Variants in BBX observed in about 807,000 individuals in gnomAD.
BBX encodes BBX high mobility group box domain containing.
BBX carries 30 observed loss-of-function variants against 100.2 expected under a neutral mutation model. That is an observed-to-expected ratio of 0.30 (90% CI 0.22 to 0.41). BBX has a LOEUF of 0.41. Ranked by LOEUF, BBX falls within the 10% of genes least tolerant of loss-of-function variation. The pLI is 1.00. For missense variants in BBX, 1,023 were observed against 1,129.8 expected (o/e 0.91, Z 1.35); for synonymous variants, 376 against 388.1 (o/e 0.97, Z 0.37).
chr3:107,648,333 A>T (rs1386197689), intron 3 of BBX, among the ~76,000 whole-genome samples: 1 of 152,176 alleles, frequency 6.6e-6, no homozygotes, highest in Admixed American at 6.5e-5. Flanking sequence ...ATAGACTTAC[A>T]TTATTCTTTT....
intron 2 of BBX, among the ~76,000 whole-genome samples, chr3:107,529,918 T>G (rs543998497): frequency 6.6e-6 from 1 of 152,212 alleles, no homozygotes; most frequent in African/African-American, 2.4e-5. Context: ...GTAAAGAATT[T>G]CATCTAAAAG....
At chr3:107,700,469 G>A (rs1040906746) in intron 3 of BBX, among the ~76,000 whole-genome samples, 2 of 145,934 alleles carry the variant, frequency 1.4e-5, no homozygotes, top group African/African-American at 5.1e-5. Context: ...TTAAGTTTTA[G>A]GGTACATGTG....
At chr3:107,732,920 G>A in intron 6 of BBX, 36 bp from the exon 7 acceptor site, 1 of 1,544,978 alleles carries the variant, frequency 6.5e-7, no homozygotes, top group Non-Finnish European at 8.9e-7. Flanking sequence ...TGTACTTTAT[G>A]CTTATAAGTT....
intron 3 of BBX, among the ~76,000 whole-genome samples, chr3:107,663,246 C>G (rs1019741847): frequency 3.3e-5 from 5 of 152,124 alleles, no homozygotes; most frequent in African/African-American, 1.2e-4. Context: ...CTATAGTCAG[C>G]ACCCTATTAT....
intron 2 of BBX, among the ~76,000 whole-genome samples, chr3:107,528,482 T>G (rs1394434378): frequency 6.6e-6 from 1 of 152,204 alleles, no homozygotes; most frequent in East Asian, 1.9e-4. Context: ...TTTGAAACAT[T>G]AAGAAAATGT....
intron 12 of BBX, among the ~76,000 whole-genome samples, chr3:107,777,263 C>A (rs1312022517): frequency 6.6e-6 from 1 of 152,128 alleles, no homozygotes; most frequent in Non-Finnish European, 1.5e-5. Flanking sequence ...TGGAGTATAT[C>A]CCCCCTCCAG....
intron 2 of BBX, among the ~76,000 whole-genome samples, chr3:107,577,087 C>G (rs906076606): frequency 3.0e-4 from 46 of 152,160 alleles, no homozygotes; most frequent in Non-Finnish European, 4.4e-5. Context: ...TCTTGATCTC[C>G]TGACCTCATG....
chr3:107,552,893 T>C (rs1005202722), intron 2 of BBX, among the ~76,000 whole-genome samples: 4 of 152,244 alleles, frequency 2.6e-5, no homozygotes, highest in Admixed American at 6.5e-5. Context: ...CATTTCCAAA[T>C]ATATAGGGAT....
rs1212577575 is a variant in BBX at position 107,581,431 on chromosome 3, C to T, written c.-84+55033C>T. 4.0e-5 allele frequency among the ~76,000 whole-genome samples: 6 copies of T among 151,640 alleles called. No homozygotes were observed. The South Asian group carries it at 1.0e-3, about 26-fold the overall frequency. On this transcript the variant is annotated intron_variant, in intron 2 of 17. Coordinates refer to ENST00000325805, the MANE Select transcript of BBX (RefSeq NM_001142568.3). ...TGGAAATTCCCCTTCTGTGATCTTT[C>T]ATTTGTGTCATGTTCCTACCAGGTT...
intron 7 of BBX, among the ~76,000 whole-genome samples, chr3:107,739,824 T>A (rs2063931126): frequency 6.6e-6 from 1 of 152,192 alleles, no homozygotes; most frequent in Non-Finnish European, 1.5e-5. Context: ...CAGAGTGGCA[T>A]TGTACCTACT....
At chr3:107,598,284 C>A (rs2053805568) in intron 2 of BBX, among the ~76,000 whole-genome samples, 1 of 152,176 alleles carries the variant, frequency 6.6e-6, no homozygotes, top group African/African-American at 2.4e-5. Flanking sequence ...GGTCTTTGGT[C>A]TTGATTGCAT....
At chr3:107,560,204 CA>C (rs1312707043) in intron 2 of BBX, among the ~76,000 whole-genome samples, 2 of 145,214 alleles carry the variant, frequency 1.4e-5, no homozygotes, top group African/African-American at 5.1e-5. Context: ...TAATGGGAAA[CA>C]TGAAAAAAAA....
intron 10 of BBX, among the ~76,000 whole-genome samples, chr3:107,770,049 A>G (rs2066774752): frequency 6.6e-6 from 1 of 152,254 alleles, no homozygotes; most frequent in Non-Finnish European, 1.5e-5. Flanking sequence ...ATGAGGAAGT[A>G]AAGCATGACT....
At chr3:107,577,353 A>G in intron 2 of BBX, among the ~76,000 whole-genome samples, 1 of 152,176 alleles carries the variant, frequency 6.6e-6, no homozygotes, top group South Asian at 2.1e-4. Context: ...AAGTAAACCC[A>G]TATTTGGTTT....
intron 2 of BBX, among the ~76,000 whole-genome samples, chr3:107,636,139 C>A (rs189680328): frequency 2.0e-5 from 3 of 152,180 alleles, no homozygotes; most frequent in East Asian, 3.9e-4. Flanking sequence ...GGTTTCGTAC[C>A]CATTCATCAC....
Position 107,697,318 on chromosome 3 carries a change from T to C in BBX, c.-9-13134T>C, listed in dbSNP as rs191005149. 4.3e-3 allele frequency among the ~76,000 whole-genome samples: 646 copies of C among 151,974 alleles called. 17 individuals carry two copies. Among genetic ancestry groups the C allele is most frequent in the African/African-American group, 0.014 (557 of 41,226 alleles). ...GTTTTTCTGCTCTGTTTTTTCCCCA[T>C]CTTTGTGGTTTTATCTACTTTTGGT... is the stretch of plus-strand genomic sequence containing the variant. On this transcript the variant is annotated intron_variant, in intron 3 of 17. Coordinates refer to ENST00000325805, the MANE Select transcript of BBX (RefSeq NM_001142568.3).
chr3:107,584,120 ATATATATATTAT>A (rs1353525828), intron 2 of BBX, among the ~76,000 whole-genome samples: 4 of 18,610 alleles, frequency 2.1e-4, no homozygotes, highest in Admixed American at 9.2e-4. Flanking sequence ...ATTATATATA[ATATATATATTAT>A]TATATATATT....
At chr3:107,782,793 TG>T (rs2068029933) in intron 13 of BBX, among the ~76,000 whole-genome samples, 1 of 152,056 alleles carries the variant, frequency 6.6e-6, no homozygotes, top group East Asian at 1.9e-4. Context: ...AAAACTTAAG[TG>T]GAGACCTAAG....
intron 5 of BBX, 59 bp from the exon 6 acceptor site, chr3:107,728,706 T>G (rs2063124990): frequency 4.1e-6 from 6 of 1,480,092 alleles, no homozygotes; most frequent in Non-Finnish European, 5.5e-6. Flanking sequence ...GTGACAGCCT[T>G]TAGAACTTTT....
Sources: allele counts gnomAD v4.1 joint callset (sites outside exome capture counted in the v4.1 genomes callset), GRCh38; gene constraint gnomAD v4.1.1; transcripts MANE v1.5; gene names NCBI Gene and HGNC (gene_info 2026-07-23, HGNC 2026-07-21).